Variants in GDPD4 observed in about 807,000 individuals in gnomAD.
GDPD4 encodes glycerophosphodiester phosphodiesterase domain containing 4.
A neutral mutation model predicts 67.8 loss-of-function variants in GDPD4; 60 were observed. That is an observed-to-expected ratio of 0.88 (90% CI 0.72 to 1.10). The LOEUF (loss-of-function observed/expected upper bound fraction) is 1.10, where lower values mean the gene tolerates loss of function less well. GDPD4 is among the 50% of genes least tolerant of loss of function. GDPD4 has a pLI of 0.00. For synonymous variants in GDPD4, 212 were observed against 210.9 expected, an observed-to-expected ratio of 1.00 and a Z score of -0.04; for missense variants, 623 against 613.9, an observed-to-expected ratio of 1.01 and a Z score of -0.16.
rs199508047 is a variant in GDPD4, at chr11:77,238,584, C to CAAA, written c.1241+5107_1241+5109dup. On this transcript the variant is annotated intron_variant, in intron 13 of 16. Coordinates refer to ENST00000315938, the MANE Select transcript of GDPD4 (RefSeq NM_182833.3). ...GGGCAACAAGAGCGAAACTCCGTCTCAAAAAAAAAAAAAAAAAATTATGTT... is the reference window on the plus strand; with the variant it reads ...GGGCAACAAGAGCGAAACTCCGTCTCAAAAAAAAAAAAAAAAAAAAATTATGTT... 1.3e-3 allele frequency among the ~76,000 whole-genome samples: 157 copies of CAAA among 118,000 alleles called. 1 individual carries two copies. Among genetic ancestry groups the CAAA allele is most frequent in the African/African-American group, 4.8e-3 (145 of 30,384 alleles). 77.4% of individuals were successfully genotyped at this position (118,000 alleles called of 152,430 possible).
chr11:77,235,331 T>C (rs895373751), intron 13 of GDPD4, among the ~76,000 whole-genome samples: 1 of 152,032 alleles, frequency 6.6e-6, no homozygotes, highest in African/African-American at 2.4e-5. Flanking sequence ...GCAAGTGGAT[T>C]ATAAGATTCA....
intron 1 of GDPD4, among the ~76,000 whole-genome samples, chr11:77,292,490 G>C (rs368760637): frequency 6.6e-6 from 1 of 152,028 alleles, no homozygotes; most frequent in East Asian, 1.9e-4. Flanking sequence ...CTAAATGCCC[G>C]TACTAGAAAA....
chr11:77,235,221 CAT>C (rs1958539085), intron 13 of GDPD4, among the ~76,000 whole-genome samples: 1 of 151,830 alleles, frequency 6.6e-6, no homozygotes, highest in Admixed American at 6.6e-5. Context: ...AGTGGAGTGA[CAT>C]ATGTGTTCAT....
intron 11 of GDPD4, among the ~76,000 whole-genome samples, chr11:77,250,192 A>G (rs1958862987): frequency 6.6e-6 from 1 of 152,130 alleles, no homozygotes; most frequent in South Asian, 2.1e-4. Flanking sequence ...TGAACTCATC[A>G]CTCAGGTACT....
chr11:77,289,282 G>C (rs571567559), intron 1 of GDPD4, among the ~76,000 whole-genome samples: 225 of 151,668 alleles, frequency 1.5e-3, no homozygotes, highest in Middle Eastern at 6.9e-3. Flanking sequence ...AGAATCACTT[G>C]AACCTGGAAG....
chr11:77,245,697 G>A (rs1446711420), intron 11 of GDPD4, among the ~76,000 whole-genome samples, 195 bp from the exon 12 acceptor site: 1 of 152,114 alleles, frequency 6.6e-6, no homozygotes, highest in Non-Finnish European at 1.5e-5. Flanking sequence ...TGTTTGGAAT[G>A]GTCTCTTCTA....
chr11:77,255,612 G>A (rs1426125642), intron 11 of GDPD4, among the ~76,000 whole-genome samples: 2 of 152,042 alleles, frequency 1.3e-5, no homozygotes, highest in African/African-American at 4.8e-5. Context: ...TGTAATCCCA[G>A]TACTTTGGGA....
intron 11 of GDPD4, among the ~76,000 whole-genome samples, chr11:77,252,122 A>G (rs2156566): frequency 0.78 from 113,925 of 145,240 alleles, 44,950 homozygotes; most frequent in Middle Eastern, 0.87. Flanking sequence ...GGAGTGCAGT[A>G]GTGTGATCTT....
intron 14 of GDPD4, among the ~76,000 whole-genome samples, chr11:77,231,847 C>T (rs1958461595): frequency 6.6e-6 from 1 of 152,126 alleles, no homozygotes; most frequent in Admixed American, 6.5e-5. Flanking sequence ...GGAAAGGCTC[C>T]ACCTGTGCTG....
chr11:77,284,231 C>T (rs1156411537), intron 3 of GDPD4, among the ~76,000 whole-genome samples: 2 of 151,718 alleles, frequency 1.3e-5, no homozygotes, highest in Non-Finnish European at 2.9e-5. Context: ...TATTTTTAAA[C>T]CATTTTAAAT....
chr11:77,232,964 C>G, intron 14 of GDPD4, 61 bp downstream of exon 14: 2 of 1,544,148 alleles, frequency 1.3e-6, no homozygotes, highest in Non-Finnish European at 8.9e-7. Context: ...CAACACAGGG[C>G]TGGGGGGCCT....
rs112313269 is a variant in GDPD4, at chr11:77,239,682, G to A, written c.1241+4012C>T. ...CTATGAAACACTGATGAAAGGGGCCGGGTGCGGTGGCTCACACCTTATAAT... is the reference window on the plus strand; with the variant it reads ...CTATGAAACACTGATGAAAGGGGCCAGGTGCGGTGGCTCACACCTTATAAT... On this transcript the variant is annotated intron_variant, in intron 13 of 16. Transcript: ENST00000315938. 2.3e-3 allele frequency among the ~76,000 whole-genome samples: 357 copies of A among 152,262 alleles called. 1 individual carries two copies. The highest frequency in any genetic ancestry group is 7.8e-3 in the African/African-American group (325 of 41,552).
chr11:77,270,720 C>G (rs1959210258), intron 7 of GDPD4, among the ~76,000 whole-genome samples: 1 of 152,096 alleles, frequency 6.6e-6, no homozygotes, highest in Non-Finnish European at 1.5e-5. Flanking sequence ...AAAACACAAA[C>G]AAACAAACAA....
At chr11:77,223,281 T>C (rs1026164075) in intron 16 of GDPD4, among the ~76,000 whole-genome samples, 2 of 152,124 alleles carry the variant, frequency 1.3e-5, no homozygotes, top group African/African-American at 4.8e-5. Flanking sequence ...CTGCAATCCT[T>C]TGGAGGAGAA....
intron 10 of GDPD4, among the ~76,000 whole-genome samples, chr11:77,261,803 AGATGGG>A: frequency 6.6e-6 from 1 of 152,314 alleles, no homozygotes; most frequent in South Asian, 2.1e-4. Flanking sequence ...GGGAAGCTTC[AGATGGG>A]GATGTTGGAG....
chr11:77,299,263 A>C (rs1938082812), intron 1 of GDPD4, among the ~76,000 whole-genome samples: 1 of 152,180 alleles, frequency 6.6e-6, no homozygotes, highest in African/African-American at 2.4e-5. Flanking sequence ...TAATTTGCCC[A>C]AAGATGGAAG....
chr11:77,231,338 C>T (rs922529563), intron 14 of GDPD4, among the ~76,000 whole-genome samples: 2 of 152,166 alleles, frequency 1.3e-5, no homozygotes, highest in African/African-American at 4.8e-5. Context: ...AAGCCAAAAA[C>T]CACAAACACA....
At chr11:77,242,884 C>T (rs1958698013) in intron 13 of GDPD4, among the ~76,000 whole-genome samples, 1 of 152,000 alleles carries the variant, frequency 6.6e-6, no homozygotes, top group South Asian at 2.1e-4. Flanking sequence ...ATGCATGCAA[C>T]AGCCTTTTAC....
chr11:77,277,429 C>T (rs1403260900), intron 4 of GDPD4, among the ~76,000 whole-genome samples: 3 of 67,774 alleles, frequency 4.4e-5, no homozygotes, highest in East Asian at 3.9e-4. Flanking sequence ...GAGACAGAGT[C>T]TCGCTCTGTC....
Sources: allele counts gnomAD v4.1 joint callset (sites outside exome capture counted in the v4.1 genomes callset), GRCh38; gene constraint gnomAD v4.1.1; transcripts MANE v1.5; gene names NCBI Gene and HGNC (gene_info 2026-07-23, HGNC 2026-07-21).